Variants in TRIM2 observed in about 807,000 individuals in gnomAD.
The protein encoded by TRIM2 is tripartite motif containing 2, also known as tripartite motif-containing protein 2.
A neutral mutation model predicts 75.2 loss-of-function variants in TRIM2; 20 were observed. That is an observed-to-expected ratio of 0.27 (90% CI 0.19 to 0.39). The LOEUF (loss-of-function observed/expected upper bound fraction) is 0.39, where lower values mean the gene tolerates loss of function less well. Among genes scored for constraint, TRIM2 ranks in the 10% least tolerant of loss-of-function variants. TRIM2 has a pLI of 1.00. For synonymous variants in TRIM2, 373 were observed against 388.3 expected (o/e 0.96, Z 0.46); for missense variants, 660 against 990.8 (o/e 0.67, Z 4.48).
At chr4:153,202,708 A>AT (rs2149681529), upstream of TRIM2, among the ~76,000 whole-genome samples, 2 of 151,212 alleles carry the variant, frequency 1.3e-5, no homozygotes, top group East Asian at 3.9e-4. Flanking sequence ...CAAAAAAAAA[A>AT]AAAAAAAGAA....
chr4:153,157,341 G>A (rs1028627385), intron 1 of TRIM2, among the ~76,000 whole-genome samples: 10 of 152,244 alleles, frequency 6.6e-5, no homozygotes, highest in African/African-American at 2.4e-4. Flanking sequence ...CCTTTTGCCA[G>A]CCTCTTGGTT....
intron 1 of TRIM2, among the ~76,000 whole-genome samples, chr4:153,268,110 T>C (rs1755738448): frequency 6.6e-6 from 1 of 152,228 alleles, no homozygotes; most frequent in Admixed American, 6.5e-5. Context: ...ACGGAACTTG[T>C]TGAGCCAGAT....
intron 8 of TRIM2, among the ~76,000 whole-genome samples, chr4:153,322,253 C>CA (rs1351160609): frequency 3.3e-5 from 5 of 151,596 alleles, no homozygotes; most frequent in East Asian, 3.9e-4. Flanking sequence ...ACTAAAAATA[C>CA]AAAAAAAATT....
chr4:153,318,684 G>A (rs150934023), intron 8 of TRIM2, among the ~76,000 whole-genome samples: 53 of 152,292 alleles, frequency 3.5e-4, no homozygotes, highest in African/African-American at 1.2e-3. Flanking sequence ...TAGCAAAACC[G>A]TGATCTGTCT....
intron 2 of TRIM2, among the ~76,000 whole-genome samples, chr4:153,273,097 A>G (rs1757125578): frequency 6.6e-6 from 1 of 151,838 alleles, no homozygotes. Context: ...TCGGCCTCCC[A>G]AAGAGCAGGG....
intron 3 of TRIM2, among the ~76,000 whole-genome samples, chr4:153,287,556 T>C (rs1475270501): frequency 6.6e-6 from 1 of 152,204 alleles, no homozygotes; most frequent in Non-Finnish European, 1.5e-5. Flanking sequence ...TAGTGAACCA[T>C]TTTGATTCCC....
In TRIM2 at chr4:153,166,188, AT is replaced by A. The variant is rs1371950345; in HGVS notation, c.-49+12921del. On this transcript the variant is annotated intron_variant, in intron 1 of 11. Transcript: ENST00000437508. ...GCTCTGAAGATACTAAATATAGTGA[AT>A]TTAAAAAAACTTTTCTTCTACCCCT... Among the ~76,000 whole-genome samples the A allele has an allele frequency of 2.0e-5, 3 of 152,154 alleles. No individual in the cohort carries two copies. The East Asian group carries it at 5.8e-4, about 29-fold the overall frequency.
chr4:153,177,707 C>CTTCCTTCCT (rs555687002), intron 1 of TRIM2, among the ~76,000 whole-genome samples: 111 of 133,974 alleles, frequency 8.3e-4, no homozygotes, highest in African/African-American at 2.7e-3. Flanking sequence ...TGGTGGCTCG[C>CTTCCTTCCT]TCCTTCCTTC....
At chr4:153,169,153 C>CT (rs1263948298) in intron 1 of TRIM2, among the ~76,000 whole-genome samples, 1 of 152,164 alleles carries the variant, frequency 6.6e-6, no homozygotes, top group African/African-American at 2.4e-5. Context: ...ATTCAAAATT[C>CT]TTTAAGAGTT....
At chr4:153,219,657 C>A in intron 1 of TRIM2, among the ~76,000 whole-genome samples, 1 of 152,152 alleles carries the variant, frequency 6.6e-6, no homozygotes, top group Non-Finnish European at 1.5e-5. Flanking sequence ...CACTTGAGCT[C>A]AGGAGTTCAA....
chr4:153,328,415 C>G (rs1024425694), intron 10 of TRIM2, 115 bp from the exon 11 acceptor site: 1 of 965,960 alleles, frequency 1.0e-6, no homozygotes. Context: ...TTTAGAATGT[C>G]TTAAATGATA....
Position 153,206,023 on chromosome 4 carries a change from T to G in TRIM2, c.30+1463T>G, listed in dbSNP as rs369427798. Reference sequence around the variant, plus strand: ...TGACTCTCCCAGGTGGGGTGGAGGCTCCAAAGGGAAAGGACAGGTGTGCAT... The same window carrying G: ...TGACTCTCCCAGGTGGGGTGGAGGCGCCAAAGGGAAAGGACAGGTGTGCAT... On this transcript the variant is annotated intron_variant, in intron 1 of 11. Transcript: ENST00000338700. Among the ~76,000 whole-genome samples, 6 of 152,256 alleles carry G rather than the reference T, an allele frequency of 3.9e-5. 1 individual carries two copies. The Middle Eastern group carries it at 0.01, about 259-fold the overall frequency.
chr4:153,224,331 G>T (rs1203690755), intron 1 of TRIM2, among the ~76,000 whole-genome samples: 1 of 152,156 alleles, frequency 6.6e-6, no homozygotes, highest in East Asian at 1.9e-4. Flanking sequence ...TCTCCCTTAG[G>T]GTAAATATGG....
At chr4:153,224,170 G>C (rs896764476) in intron 1 of TRIM2, among the ~76,000 whole-genome samples, 1 of 152,114 alleles carries the variant, frequency 6.6e-6, no homozygotes, top group Admixed American at 6.6e-5. Flanking sequence ...AAAAGAGCAG[G>C]GGTGAGTCAG....
At chr4:153,284,290 T>C (rs1485357189) in intron 3 of TRIM2, among the ~76,000 whole-genome samples, 2 of 151,978 alleles carry the variant, frequency 1.3e-5, no homozygotes, top group African/African-American at 4.8e-5. Flanking sequence ...AACCTCTGCC[T>C]CCTGGGTTCG....
At chr4:153,154,122 AC>A in intron 1 of TRIM2, among the ~76,000 whole-genome samples, 1 of 152,122 alleles carries the variant, frequency 6.6e-6, no homozygotes, top group Admixed American at 6.5e-5. Context: ...TCTTAAAGAA[AC>A]TCGGCCCTTC....
At position 153,315,585 on chromosome 4, in the gene TRIM2, G is replaced by T. The variant is rs140995446; in HGVS notation, c.1611G>T (p.Val537=). The T allele has an allele frequency of 2.5e-6, 4 of 1,606,882 alleles. No homozygotes were observed. In the South Asian group the frequency reaches 4.5e-5, roughly 18 times the overall value. Residue 537 remains valine (V), a synonymous_variant, in exon 7 of 12, where the codon GTG becomes GTT. Transcript: ENST00000338700. ...ILIADSNNQC[V]QIFSNDGQFK... is the part of the protein sequence containing the mutation. The stretch of plus-strand genomic sequence containing the variant: ...TTGCAGACAGTAACAACCAATGTGT[G>T]CAGGTATAGCCCCTAATTATATACC...
At chr4:153,226,542 C>T (rs1359967366) in intron 1 of TRIM2, among the ~76,000 whole-genome samples, 2 of 152,222 alleles carry the variant, frequency 1.3e-5, no homozygotes, top group African/African-American at 4.8e-5. Flanking sequence ...ACTGACATCT[C>T]TTCAGTGTAA....
At chr4:153,222,567 T>G (rs1052644381) in intron 1 of TRIM2, 1 of 152,152 alleles carries the variant, frequency 6.6e-6, no homozygotes, top group Non-Finnish European at 1.5e-5. Flanking sequence ...GTGCCGGGCC[T>G]GAAAATGCTG....
Sources: gnomAD v4.1 joint callset for allele counts (sites outside exome capture counted in the v4.1 genomes callset) on GRCh38, gnomAD v4.1.1 for gene constraint, MANE v1.5 for transcripts, NCBI Gene and HGNC (gene_info 2026-07-23, HGNC 2026-07-21) for gene names.